CDC42EP3: variants seen among roughly 807,000 people sequenced by gnomAD.
CDC42EP3 encodes CDC42 effector protein 3.
A neutral mutation model predicts 15.5 loss-of-function variants in CDC42EP3; 4 were observed. That is an observed-to-expected ratio of 0.26 (90% CI 0.13 to 0.59). CDC42EP3 has a LOEUF of 0.59. Ranked by LOEUF, CDC42EP3 falls within the 20% of genes least tolerant of loss-of-function variation. The probability of loss-of-function intolerance (pLI) is 0.89; values close to 1 mark genes in which losing one functional copy is unlikely to be tolerated. For missense variants in CDC42EP3, 309 were observed against 311.2 expected (o/e 0.99, Z 0.05); for synonymous variants, 145 against 130.3 (o/e 1.11, Z -0.77).
In CDC42EP3 at chr2:37,646,398, C is replaced by T. The variant is rs144011190; in HGVS notation, c.190G>A (p.Glu64Lys). Residue 64 changes from glutamate to lysine, a missense_variant, in exon 2 of 2, where the codon GAG (glutamate) becomes AAG (lysine). By Grantham distance (56) the Glu-to-Lys change is moderately conservative. Transcript: ENST00000295324. ...TTCTCCTGGTTTCCAGGTAAAAGCT[C>T]GTAGTTCCCTTGAAGAAAGGAAATA... ...GDISFLQGNY[E>K]LLPGNQEKAH... 9 of 1,613,972 alleles carry T rather than the reference C, an allele frequency of 5.6e-6. No homozygotes were observed. The highest frequency in any genetic ancestry group is 4.0e-5 in the African/African-American group (3 of 74,984).
chr2:37,668,942 G>C (rs1666323247), intron 1 of CDC42EP3, among the ~76,000 whole-genome samples: 1 of 152,148 alleles, frequency 6.6e-6, no homozygotes, highest in African/African-American at 2.4e-5. Context: ...GCTGAATCCA[G>C]TATTTTCAAA....
intron 1 of CDC42EP3, among the ~76,000 whole-genome samples, chr2:37,653,394 G>C (rs1665750649): frequency 2.0e-5 from 3 of 152,204 alleles, no homozygotes; most frequent in Admixed American, 1.3e-4. Flanking sequence ...CTAGTTTCTT[G>C]TGACTGACTG....
chr2:37,653,626 T>G (rs1454450437), intron 1 of CDC42EP3, among the ~76,000 whole-genome samples: 1 of 151,966 alleles, frequency 6.6e-6, no homozygotes, highest in Non-Finnish European at 1.5e-5. Flanking sequence ...TTACTTAGAG[T>G]TGATGCACTG....
At chr2:37,659,696 C>G (rs1160600983) in intron 1 of CDC42EP3, among the ~76,000 whole-genome samples, 1 of 152,168 alleles carries the variant, frequency 6.6e-6, no homozygotes, top group East Asian at 1.9e-4. Context: ...GCTCTTTTCT[C>G]TTTTCAAAAG....
chr2:37,664,481 C>A (rs1232947748), intron 1 of CDC42EP3, among the ~76,000 whole-genome samples: 2 of 152,168 alleles, frequency 1.3e-5, no homozygotes, highest in Non-Finnish European at 2.9e-5. Context: ...TCATGTGAGT[C>A]AACACTCCTT....
intron 1 of CDC42EP3, among the ~76,000 whole-genome samples, chr2:37,667,142 G>A (rs1341963232): frequency 1.3e-5 from 2 of 152,332 alleles, no homozygotes; most frequent in Admixed American, 1.3e-4. Flanking sequence ...GTAAGGACAA[G>A]GTTTCAAAGG....
At chr2:37,662,547 G>GA (rs1170948172) in intron 1 of CDC42EP3, among the ~76,000 whole-genome samples, 2 of 152,028 alleles carry the variant, frequency 1.3e-5, no homozygotes, top group South Asian at 2.1e-4. Context: ...TCCCCATTCT[G>GA]AAAAAAGAAC....
intron 1 of CDC42EP3, among the ~76,000 whole-genome samples, chr2:37,663,886 C>A: frequency 6.6e-6 from 1 of 152,066 alleles, no homozygotes; most frequent in East Asian, 1.9e-4. Context: ...TAAAAGCAGG[C>A]AGAGGAGGCC....
rs1665440900 is a variant in CDC42EP3 at position 37,645,971 on chromosome 2, T to G, written c.617A>C (p.Asp206Ala). ...YPDWPAEDMF[D>A]HPTPCELIKG... is the part of the protein sequence containing the mutation. Reference sequence around the variant, plus strand: ...GATGAGCTCGCATGGGGTGGGATGGTCAAACATGTCCTCGGCTGGCCAGTC... The same window carrying G: ...GATGAGCTCGCATGGGGTGGGATGGGCAAACATGTCCTCGGCTGGCCAGTC... The change falls in exon 2 of 2, where the codon GAC (aspartate) becomes GCC (alanine). Residue 206 changes from aspartate (D) to alanine (A), a missense_variant. Physicochemically the swap from Asp to Ala is moderately radical, Grantham distance 126. Transcript: ENST00000295324. 6.2e-7 allele frequency: 1 copy of G among 1,613,888 alleles called. No homozygotes were observed. The highest frequency in any genetic ancestry group is 1.3e-5 in the African/African-American group (1 of 74,904).
intron 1 of CDC42EP3, among the ~76,000 whole-genome samples, chr2:37,659,906 A>T (rs1168368805): frequency 6.6e-6 from 1 of 152,230 alleles, no homozygotes; most frequent in African/African-American, 2.4e-5. Context: ...GTACGGGCCA[A>T]CGAAACTGCT....
chr2:37,672,622 T>C (rs1283524451), upstream of CDC42EP3: 2 of 152,236 alleles, frequency 1.3e-5, no homozygotes, highest in Non-Finnish European at 2.9e-5. Flanking sequence ...GGCCTCCGTC[T>C]CTTCCTCCTC....
chr2:37,647,352 G>A (rs1665511782), intron 1 of CDC42EP3: 2 of 152,206 alleles, frequency 1.3e-5, no homozygotes, highest in Non-Finnish European at 2.9e-5. Flanking sequence ...TTACAGATAA[G>A]AAAACGGAGA....
rs1491573164 is a variant in CDC42EP3, at chr2:37,645,391, GAA to G, written c.*430_*431del. The G allele has an allele frequency of 1.9e-5, 3 of 154,544 alleles. No individual in the cohort carries two copies. Among genetic ancestry groups the G allele is most frequent in the Non-Finnish European group, 2.9e-5 (2 of 69,438 alleles). The allele number at this position is 154,544 out of a possible 1,614,324, so 9.6% of individuals were successfully genotyped here. A position where few individuals can be genotyped will look rare whatever the true frequency, so the allele number is the denominator to read the frequency against. On this transcript the variant is annotated 3_prime_UTR_variant, in exon 2 of 2. Transcript: ENST00000295324. Reference sequence around the variant, plus strand: ...CTATGGTGAGCCTAAGCAATATATAGAAAAGAGTCTACAAAAAGGCTTAGGTG... The same window carrying G: ...CTATGGTGAGCCTAAGCAATATATAGAAGAGTCTACAAAAAGGCTTAGGTG...
intron 1 of CDC42EP3, among the ~76,000 whole-genome samples, chr2:37,648,429 G>C (rs781340523): frequency 3.3e-5 from 5 of 152,222 alleles, no homozygotes; most frequent in Non-Finnish European, 7.3e-5. Flanking sequence ...TCATTTACCA[G>C]TGGCAGGTGA....
rs140725410 is a variant in CDC42EP3, at chr2:37,654,789, T to C, written c.-235-7967A>G. ...GAACACGGCAGTCTTCTTACTAATA[T>C]AGAAATGACCAGCCAATCTTTGGGA... On this transcript the variant is annotated intron_variant, in intron 1 of 1. Transcript: ENST00000295324. Among the ~76,000 whole-genome samples, 513 of 152,324 alleles carry C rather than the reference T, an allele frequency of 3.4e-3. 3 individuals are homozygous for C. The highest frequency in any genetic ancestry group is 0.012 in the African/African-American group (485 of 41,572).
chr2:37,652,174 CAAAAAAAAAA>C (rs61407687), intron 1 of CDC42EP3, among the ~76,000 whole-genome samples: 24 of 39,126 alleles, frequency 6.1e-4, no homozygotes, highest in African/African-American at 2.5e-3. Context: ...GACTCCCTCT[CAAAAAAAAAA>C]AAAAAAAAAA....
chr2:37,658,085 G>T (rs1382447228), intron 1 of CDC42EP3, among the ~76,000 whole-genome samples: 2 of 152,096 alleles, frequency 1.3e-5, no homozygotes, highest in African/African-American at 4.8e-5. Context: ...CATAGGGTTG[G>T]ATGGCTGCTG....
chr2:37,663,869 G>T (rs927529569), intron 1 of CDC42EP3, among the ~76,000 whole-genome samples: 1 of 152,170 alleles, frequency 6.6e-6, no homozygotes, highest in Non-Finnish European at 1.5e-5. Context: ...TGCCAGCGTG[G>T]CTAGGATAAA....
In CDC42EP3 at chr2:37,642,220, A is replaced by T. The variant is rs1435457233; in HGVS notation, c.*3603T>A. 2.0e-5 allele frequency: 3 copies of T among 152,226 alleles called. No individual in the cohort carries two copies. The highest frequency in any genetic ancestry group is 4.4e-5 in the Non-Finnish European group (3 of 68,032). 9.4% of individuals were successfully genotyped at this position (152,226 alleles called of 1,614,324 possible). A position where few individuals can be genotyped will look rare whatever the true frequency, so the allele number is the denominator to read the frequency against. On this transcript the variant is annotated 3_prime_UTR_variant, in exon 2 of 2. Transcript: ENST00000295324. ...ACAAGTGTGTCCATAAATCAACCAA[A>T]AGACCATCTCCTCCTTTAGGAAATA... is the stretch of plus-strand genomic sequence containing the variant.
Sources: gnomAD v4.1 joint callset for allele counts (sites outside exome capture counted in the v4.1 genomes callset) on GRCh38, gnomAD v4.1.1 for gene constraint, MANE v1.5 for transcripts, NCBI Gene and HGNC (gene_info 2026-07-23, HGNC 2026-07-21) for gene names.